ONECUT1: variants seen among roughly 807,000 people sequenced by gnomAD.
The protein encoded by ONECUT1 is hepatocyte nuclear factor 6.
A neutral mutation model predicts 25.6 loss-of-function variants in ONECUT1; 12 were observed. The observed-to-expected ratio is 0.47, with a 90% CI of 0.30 to 0.76. ONECUT1 has a LOEUF of 0.76. ONECUT1 is among the 30% of genes least tolerant of loss of function. The pLI, the probability that ONECUT1 is intolerant of heterozygous loss-of-function variation, is 0.07. For synonymous variants in ONECUT1, 285 were observed against 270.2 expected (o/e 1.05, Z -0.54); for missense variants, 620 against 651.2 (o/e 0.95, Z 0.52).
At position 52,788,365 on chromosome 15, in the gene ONECUT1, A is replaced by C; in HGVS notation, c.1105+415T>G. On this transcript the variant is annotated intron_variant, in intron 1 of 1. Coordinates refer to ENST00000305901, the MANE Select transcript of ONECUT1 (RefSeq NM_004498.4). This position sits in a 1 kb window ranked among gnomAD's most constrained non-coding sequence, Gnocchi z 4.3. The stretch of plus-strand genomic sequence containing the variant: ...CCAGCGCCTGGGATGTGTCAGAGGT[A>C]CCTGCGAGGAACATTTGCGTGCGAT... The C allele has an allele frequency of 1.7e-5, 3 of 172,860 alleles. No individual in the cohort carries two copies. The highest frequency in any genetic ancestry group is 3.7e-5 in the Non-Finnish European group (3 of 80,132). 10.7% of individuals were successfully genotyped at this position (172,860 alleles called of 1,614,324 possible).
At chr15:52,770,776 T>C (rs1287314567) in intron 1 of ONECUT1, among the ~76,000 whole-genome samples, 1 of 152,204 alleles carries the variant, frequency 6.6e-6, no homozygotes, top group African/African-American at 2.4e-5. Context: ...GAAGCAGTTG[T>C]AAAATACACA....
chr15:52,780,703 C>G, intron 1 of ONECUT1: 1 of 1,509,800 alleles, frequency 6.6e-7, no homozygotes, highest in Non-Finnish European at 8.8e-7. Flanking sequence ...CACTAGGTGG[C>G]GCGCTTCGCT....
chr15:52,758,976 T>C (rs908521715), intron 1 of ONECUT1, among the ~76,000 whole-genome samples: 1 of 152,162 alleles, frequency 6.6e-6, no homozygotes, highest in Non-Finnish European at 1.5e-5. Flanking sequence ...TGCTCTGATA[T>C]GTGAATGCAG....
At chr15:52,783,427 T>C (rs1349300297) in intron 1 of ONECUT1, among the ~76,000 whole-genome samples, 2 of 152,360 alleles carry the variant, frequency 1.3e-5, no homozygotes, top group East Asian at 3.9e-4. Flanking sequence ...GTTTTCTTAC[T>C]ATGACTTCCC....
In ONECUT1 at chr15:52,789,959, C is replaced by A; in HGVS notation, c.-75G>T. On this transcript the variant is annotated 5_prime_UTR_variant, in exon 1 of 2. Transcript: ENST00000305901. The surrounding 1 kb of genome is among the most constrained non-coding windows in gnomAD (Gnocchi z 4.1). ...GAGGCGGCGAGGGGCGCACGGAGTC[C>A]GGTCTTCACATCGGCTGCTGGCGAC... 1 of 1,454,640 alleles carries A rather than the reference C, an allele frequency of 6.9e-7. No individual in the cohort carries two copies. The highest frequency in any genetic ancestry group is 9.0e-7 in the Non-Finnish European group (1 of 1,111,544). The allele number at this position is 1,454,640 out of a possible 1,614,324, so 90.1% of individuals were successfully genotyped here.
chr15:52,758,346 T>TA (rs1320270025), intron 1 of ONECUT1, among the ~76,000 whole-genome samples: 1 of 152,210 alleles, frequency 6.6e-6, no homozygotes, highest in African/African-American at 2.4e-5. Context: ...AGTAGAATAT[T>TA]AAGAGCCTAA....
Position 52,789,718 on chromosome 15 carries a change from G to A in ONECUT1, c.167C>T (p.Ala56Val), listed in dbSNP as rs1270642546. 3 of 1,461,030 alleles carry A rather than the reference G, an allele frequency of 2.1e-6. No homozygotes were observed. Among genetic ancestry groups the A allele is most frequent in the Non-Finnish European group, 2.7e-6 (3 of 1,115,364 alleles). The allele number at this position is 1,461,030 out of a possible 1,614,324, so 90.5% of individuals were successfully genotyped here. Residue 56 changes from alanine (A) to valine (V), a missense_variant, in exon 1 of 2, where the codon GCG (alanine) becomes GTG (valine). Physicochemically the swap from Ala to Val is moderately conservative, Grantham distance 64 (BLOSUM62 0). Coordinates refer to ENST00000305901, the MANE Select transcript of ONECUT1 (RefSeq NM_004498.4). The surrounding 1 kb of genome is among the most constrained non-coding windows in gnomAD (Gnocchi z 4.1). The part of the protein sequence containing the change: ...PPAHPRSMGM[A>V]SLLDGGSGGG... ...GCCGCTGCCGCCGTCCAGCAGGGAC[G>A]CCATGCCCATGGAGCGCGGGTGCGC... is the stretch of plus-strand genomic sequence containing the variant.
chr15:52,775,958 C>G (rs925019666), intron 1 of ONECUT1, among the ~76,000 whole-genome samples: 7 of 152,170 alleles, frequency 4.6e-5, no homozygotes, highest in African/African-American at 1.7e-4. Context: ...ACTTTTGTTT[C>G]TCTAACAGCA....
chr15:52,780,706 G>C, intron 1 of ONECUT1: 1 of 1,508,114 alleles, frequency 6.6e-7, no homozygotes, highest in Non-Finnish European at 8.8e-7. Flanking sequence ...TAGGTGGCGC[G>C]CTTCGCTCGT....
At position 52,789,656 on chromosome 15, in the gene ONECUT1, G is replaced by A; in HGVS notation, c.229C>T (p.His77Tyr). The A allele has an allele frequency of 1.3e-6, 2 of 1,542,610 alleles. No individual in the cohort carries two copies. The highest frequency in any genetic ancestry group is 8.7e-7 in the Non-Finnish European group (1 of 1,146,690). ...DYHHHHRAPE[H>Y]SLAGPLHPTM... ...GGATGCAGGGGGCCGGCCAGGCTGTGCTCAGGGGCCCGGTGGTGGTGGTGG... is the reference window on the plus strand; with the variant it reads ...GGATGCAGGGGGCCGGCCAGGCTGTACTCAGGGGCCCGGTGGTGGTGGTGG... Residue 77 changes from histidine (H) to tyrosine (Y), a missense_variant, in exon 1 of 2, where the codon CAC (histidine) becomes TAC (tyrosine). This residue lies in a region of ONECUT1 where 440 missense variants were observed against 404.9 expected (regional missense o/e 1.09). Coordinates refer to ENST00000305901, the MANE Select transcript of ONECUT1 (RefSeq NM_004498.4). This position sits in a 1 kb window ranked among gnomAD's most constrained non-coding sequence, Gnocchi z 4.1.
In ONECUT1 at chr15:52,789,615, G is replaced by A; in HGVS notation, c.270C>T (p.Ala90=). 1 of 1,566,188 alleles carries A rather than the reference G, an allele frequency of 6.4e-7. No individual in the cohort carries two copies. The highest frequency in any genetic ancestry group is 1.2e-5 in the South Asian group (1 of 82,864). Residue 90 remains alanine, a synonymous_variant, in exon 1 of 2, where the codon GCC becomes GCT. Coordinates refer to ENST00000305901, the MANE Select transcript of ONECUT1 (RefSeq NM_004498.4). The surrounding 1 kb of genome is among the most constrained non-coding windows in gnomAD (Gnocchi z 4.1). ...AGPLHPTMTM[A]CETPPGMSMP... ...TGCTCATACCTGGGGGAGTCTCGCA[G>A]GCCATGGTCATGGTGGGATGCAGGG...
Position 52,790,033 on chromosome 15 carries a change from CT to C in ONECUT1, c.-150del. On this transcript the variant is annotated 5_prime_UTR_variant, in exon 1 of 2. Transcript: ENST00000305901. Reference sequence around the variant, plus strand: ...TGGGGCTCTGTCTCTCTCTCTCTCTCTCTCCGTGTGTGTGTGTCCGTGTGTG... The same window carrying C: ...TGGGGCTCTGTCTCTCTCTCTCTCTCCTCCGTGTGTGTGTGTCCGTGTGTG... 7.9e-7 allele frequency: 1 copy of C among 1,257,894 alleles called. No individual in the cohort carries two copies. Among genetic ancestry groups the C allele is most frequent in the Non-Finnish European group, 1.0e-6 (1 of 977,774 alleles). The allele number at this position is 1,257,894 out of a possible 1,614,324, so 77.9% of individuals were successfully genotyped here.
intron 1 of ONECUT1, among the ~76,000 whole-genome samples, chr15:52,761,688 C>A (rs1263401956): frequency 6.6e-6 from 1 of 152,092 alleles, no homozygotes; most frequent in African/African-American, 2.4e-5. Flanking sequence ...GAAAAGAAAA[C>A]CACTGTAATG....
At chr15:52,777,674 C>A (rs1433947971) in intron 1 of ONECUT1, among the ~76,000 whole-genome samples, 2 of 148,566 alleles carry the variant, frequency 1.3e-5, no homozygotes, top group Admixed American at 1.4e-4. Context: ...CTTCATCACA[C>A]CTTAAACTCC....
rs1326382820 is a variant in ONECUT1, at chr15:52,755,893, G to T, written c.*1662C>A. 1.0e-4 allele frequency among the ~76,000 whole-genome samples: 15 copies of T among 148,722 alleles called. No individual in the cohort carries two copies. The highest frequency in any genetic ancestry group is 3.5e-4 in the African/African-American group (14 of 39,874). ...ACTAATACGACTTCATTTTTTTTTT[G>T]ACTTTGACTTCTACAGCTCTGGTTA... On this transcript the variant is annotated 3_prime_UTR_variant, in exon 2 of 2. Coordinates refer to ENST00000305901, the MANE Select transcript of ONECUT1 (RefSeq NM_004498.4).
Position 52,789,477 on chromosome 15 carries a change from G to A in ONECUT1, c.408C>T (p.His136=). The A allele has an allele frequency of 1.2e-6, 2 of 1,613,242 alleles. No homozygotes were observed. The highest frequency in any genetic ancestry group is 1.7e-6 in the Non-Finnish European group (2 of 1,179,684). ...CGTTGCCCGCCAGGCGCTGGTGGTG[G>A]TGCGGGTGGTGGTGGTGATGGTGGT... ...HHHHHHHHHP[H]HHQRLAGNVS... The change falls in exon 1 of 2, where the codon CAC becomes CAT. Residue 136 remains histidine, a synonymous_variant. Coordinates refer to ENST00000305901, the MANE Select transcript of ONECUT1 (RefSeq NM_004498.4). The surrounding 1 kb of genome is among the most constrained non-coding windows in gnomAD (Gnocchi z 4.1).
Position 52,789,626 on chromosome 15 carries a change from T to C in ONECUT1, c.259A>G (p.Met87Val), listed in dbSNP as rs1016441448. The C allele has an allele frequency of 1.3e-6, 2 of 1,560,052 alleles. No individual in the cohort carries two copies. Among genetic ancestry groups the C allele is most frequent in the East Asian group, 2.3e-5 (1 of 43,768 alleles). Residue 87 changes from methionine (M) to valine (V), a missense_variant, in exon 1 of 2, where the codon ATG (methionine) becomes GTG (valine). Met to Val is a conservative substitution (Grantham distance 21). Coordinates refer to ENST00000305901, the MANE Select transcript of ONECUT1 (RefSeq NM_004498.4). This position sits in a 1 kb window ranked among gnomAD's most constrained non-coding sequence, Gnocchi z 4.1. ...HSLAGPLHPT[M>V]TMACETPPGM... ...GGGGGAGTCTCGCAGGCCATGGTCA[T>C]GGTGGGATGCAGGGGGCCGGCCAGG...
chr15:52,771,394 A>G (rs2083766230), intron 1 of ONECUT1, among the ~76,000 whole-genome samples: 1 of 151,822 alleles, frequency 6.6e-6, no homozygotes, highest in African/African-American at 2.4e-5. Context: ...GCAGATGACA[A>G]AACTGCATAG....
At chr15:52,786,428 G>C (rs2083875292) in intron 1 of ONECUT1, among the ~76,000 whole-genome samples, 1 of 152,190 alleles carries the variant, frequency 6.6e-6, no homozygotes, top group Non-Finnish European at 1.5e-5. Context: ...GAGTCGGCTT[G>C]GTGTTTGGTG....
Sources: gnomAD v4.1 joint callset for allele counts (sites outside exome capture counted in the v4.1 genomes callset) on GRCh38, gnomAD v4.1.1 for gene constraint, gnomAD v4.1.1 regional missense constraint, Gnocchi (gnomAD v3.1) non-coding constraint, MANE v1.5 for transcripts, NCBI Gene and HGNC (gene_info 2026-07-23, HGNC 2026-07-21) for gene names.